ARL15: variants seen among roughly 807,000 people sequenced by gnomAD.
ARL15 encodes the protein ADP-ribosylation factor-like protein 15.
ARL15 carries 19 observed loss-of-function variants against 25.2 expected under a neutral mutation model. That is an observed-to-expected ratio of 0.75 (90% CI 0.53 to 1.10). The LOEUF is 1.10. Ranked by LOEUF, ARL15 falls within the 50% of genes least tolerant of loss-of-function variation. The pLI, the probability that ARL15 is intolerant of heterozygous loss-of-function variation, is 0.00. For synonymous variants in ARL15, 94 were observed against 86.8 expected, an observed-to-expected ratio of 1.08 and a Z score of -0.46; for missense variants, 220 against 246.0, an observed-to-expected ratio of 0.89 and a Z score of 0.71.
At position 54,282,317 on chromosome 5, in the gene ARL15, TCAGA is replaced by T. The variant is rs1343133538; in HGVS notation, c.48+28111_48+28114del. ...AACAGCAAATGAGATCTGGATGCAT[TCAGA>T]CATTCTCTATAAGATTAAAATAAGA... On this transcript the variant is annotated intron_variant, in intron 1 of 4. Coordinates refer to ENST00000504924, the MANE Select transcript of ARL15 (RefSeq NM_019087.3). 15 of 985,310 alleles carry T rather than the reference TCAGA, an allele frequency of 1.5e-5. No homozygotes were observed. The South Asian group carries it at 2.3e-4, about 15-fold the overall frequency. The allele number at this position is 985,310 out of a possible 1,614,324, so 61.0% of individuals were successfully genotyped here. A position where few individuals can be genotyped will look rare whatever the true frequency, so the allele number is the denominator to read the frequency against.
At chr5:54,053,780 G>C (rs779961922) in intron 4 of ARL15, among the ~76,000 whole-genome samples, 1 of 152,176 alleles carries the variant, frequency 6.6e-6, no homozygotes, top group Non-Finnish European at 1.5e-5. Context: ...AGTCTAAGAA[G>C]CTGTCACAGC....
intron 2 of ARL15, among the ~76,000 whole-genome samples, chr5:54,156,198 T>C (rs1754227580): frequency 6.6e-6 from 1 of 152,194 alleles, no homozygotes; most frequent in African/African-American, 2.4e-5. Flanking sequence ...AAGCTGTACA[T>C]TACCTTCCAC....
At chr5:54,181,833 T>C (rs555174953) in intron 1 of ARL15, among the ~76,000 whole-genome samples, 47 of 151,530 alleles carry the variant, frequency 3.1e-4, no homozygotes, top group Admixed American at 2.2e-3. Context: ...TTTTTAATGA[T>C]TGCCATTCTA....
chr5:54,052,399 A>C (rs1304843637), intron 4 of ARL15, among the ~76,000 whole-genome samples: 1 of 152,230 alleles, frequency 6.6e-6, no homozygotes, highest in African/African-American at 2.4e-5. Context: ...ATTGGGGTAT[A>C]AAGTGCAGAA....
intron 4 of ARL15, among the ~76,000 whole-genome samples, chr5:53,965,717 A>G (rs761447030): frequency 1.3e-5 from 2 of 151,222 alleles, no homozygotes; most frequent in East Asian, 2.0e-4. Context: ...GGACTTGACT[A>G]TATCAGTGCA....
At chr5:54,249,322 T>C (rs974609591) in intron 1 of ARL15, among the ~76,000 whole-genome samples, 3 of 152,138 alleles carry the variant, frequency 2.0e-5, no homozygotes, top group African/African-American at 7.2e-5. Flanking sequence ...ACATCTCTTT[T>C]AGAAAGTCCA....
intron 3 of ARL15, among the ~76,000 whole-genome samples, chr5:54,147,575 T>C (rs1375068282): frequency 6.6e-6 from 1 of 152,184 alleles, no homozygotes; most frequent in Non-Finnish European, 1.5e-5. Context: ...CTGCCTGTGA[T>C]TTACCTATAG....
chr5:53,952,488 T>C (rs2112121610), intron 4 of ARL15, among the ~76,000 whole-genome samples: 1 of 152,256 alleles, frequency 6.6e-6, no homozygotes, highest in Non-Finnish European at 1.5e-5. Flanking sequence ...GTACAAAACG[T>C]GCCTTGGGCC....
intron 4 of ARL15, among the ~76,000 whole-genome samples, chr5:53,930,823 C>T (rs181260313): frequency 4.1e-4 from 63 of 152,118 alleles, no homozygotes; most frequent in African/African-American, 1.5e-3. Flanking sequence ...TGTATATATA[C>T]CAATTTAATT....
At chr5:53,933,410 G>C (rs767586128) in intron 4 of ARL15, among the ~76,000 whole-genome samples, 1 of 152,114 alleles carries the variant, frequency 6.6e-6, no homozygotes, top group African/African-American at 2.4e-5. Flanking sequence ...ACTCTGGGAG[G>C]TCGAGGTGGG....
At chr5:54,273,548 T>C (rs983636779) in intron 1 of ARL15, among the ~76,000 whole-genome samples, 1 of 152,228 alleles carries the variant, frequency 6.6e-6, no homozygotes, top group Non-Finnish European at 1.5e-5. Flanking sequence ...TCATATTGAA[T>C]ACCTACTGTC....
rs527615685 is a variant in ARL15 at position 54,189,701 on chromosome 5, A to G, written c.49-17773T>C. Among the ~76,000 whole-genome samples, 6 of 152,348 alleles carry G rather than the reference A, an allele frequency of 3.9e-5. No homozygotes were observed. In the East Asian group the frequency reaches 1.2e-3, roughly 29 times the overall value. ...AAAAGTATAAAAAACATAGAAACAT[A>G]GAAAGTTTTTTCTTAGAAAAAAACA... On this transcript the variant is annotated intron_variant, in intron 1 of 4. Transcript: ENST00000504924.
intron 1 of ARL15, among the ~76,000 whole-genome samples, chr5:54,250,679 A>T (rs1392334976): frequency 6.6e-6 from 1 of 152,102 alleles, no homozygotes; most frequent in Non-Finnish European, 1.5e-5. Flanking sequence ...GGACCAAAAA[A>T]AACACCAAGA....
chr5:54,147,315 C>G (rs548082436), intron 3 of ARL15, among the ~76,000 whole-genome samples: 6 of 152,186 alleles, frequency 3.9e-5, no homozygotes, highest in Admixed American at 1.3e-4. Flanking sequence ...GGAAATACCA[C>G]CATCTATTCT....
intron 4 of ARL15, among the ~76,000 whole-genome samples, chr5:53,946,455 GAAAAAA>G (rs55727717): frequency 3.2e-4 from 14 of 43,956 alleles, no homozygotes; most frequent in South Asian, 1.5e-3. Flanking sequence ...GTCTCAAGAG[GAAAAAA>G]AAAAAAAAAA....
At chr5:54,305,929 C>G (rs1758742773) in intron 1 of ARL15, among the ~76,000 whole-genome samples, 2 of 152,142 alleles carry the variant, frequency 1.3e-5, no homozygotes, top group African/African-American at 4.8e-5. Context: ...TTTTACTTGT[C>G]ACATTTTCAA....
chr5:53,904,950 A>T, intron 4 of ARL15, among the ~76,000 whole-genome samples: 1 of 151,602 alleles, frequency 6.6e-6, no homozygotes, highest in East Asian at 1.9e-4. Flanking sequence ...CTGGTCTCGA[A>T]CTCCTGACCT....
intron 1 of ARL15, among the ~76,000 whole-genome samples, chr5:54,208,804 G>GC (rs1490367483): frequency 6.6e-6 from 1 of 152,116 alleles, no homozygotes; most frequent in African/African-American, 2.4e-5. Context: ...AATTCAGGGG[G>GC]CCCCCCAGTG....
intron 4 of ARL15, among the ~76,000 whole-genome samples, chr5:54,024,602 C>G (rs767673151): frequency 4.1e-4 from 62 of 152,190 alleles, no homozygotes; most frequent in Non-Finnish European, 6.3e-4. Context: ...CCTAAGCAAG[C>G]CTATGAGTTA....
Sources: gnomAD v4.1 joint callset for allele counts (sites outside exome capture counted in the v4.1 genomes callset) on GRCh38, gnomAD v4.1.1 for gene constraint, MANE v1.5 for transcripts, NCBI Gene and HGNC (gene_info 2026-07-23, HGNC 2026-07-21) for gene names.